Variants in IL1R2 observed in about 807,000 individuals in gnomAD.
IL1R2 encodes the protein interleukin 1 receptor type 2.
IL1R2 carries 46 observed loss-of-function variants against 39.5 expected under a neutral mutation model. The ratio of observed to expected loss-of-function variants is 1.16; its 90% CI spans 0.92 to 1.49. The LOEUF (loss-of-function observed/expected upper bound fraction) is 1.49, where lower values mean the gene tolerates loss of function less well. Ranked by LOEUF, IL1R2 falls within the 40% of genes most tolerant of loss-of-function variation. The pLI is 0.00. For synonymous variants in IL1R2, 207 were observed against 189.6 expected (o/e 1.09, Z -0.75); for missense variants, 537 against 502.0 (o/e 1.07, Z -0.67).
At position 102,009,865 on chromosome 2, in the gene IL1R2, C is replaced by A. The variant is rs769467215; in HGVS notation, c.332+39C>A. The A allele has an allele frequency of 3.0e-5, 48 of 1,603,076 alleles. No homozygotes were observed. The South Asian group carries it at 5.3e-4, about 18-fold the overall frequency. ...TGCGGGGCTGGGGAGGGGATCCTGG[C>A]AGGATGGAGGCTTGTGAGGGTCTTC... On this transcript the variant is annotated intron_variant, in intron 3 of 8. Coordinates refer to ENST00000332549, the MANE Select transcript of IL1R2 (RefSeq NM_004633.4).
chr2:102,000,954 C>A (rs191297502), intron 1 of IL1R2, among the ~76,000 whole-genome samples: 16 of 152,280 alleles, frequency 1.1e-4, no homozygotes, highest in Non-Finnish European at 1.3e-4. Flanking sequence ...GTTTGCCCTG[C>A]AGATGCCTAG....
chr2:102,010,597 A>G (rs1301518432), intron 3 of IL1R2, among the ~76,000 whole-genome samples: 3 of 148,700 alleles, frequency 2.0e-5, no homozygotes, highest in African/African-American at 7.4e-5. Flanking sequence ...AAAAAAAATT[A>G]GTCCAACTGC....
intron 6 of IL1R2, among the ~76,000 whole-genome samples, chr2:102,023,071 C>T (rs1677501051): frequency 6.6e-6 from 1 of 152,240 alleles, no homozygotes; most frequent in Non-Finnish European, 1.5e-5. Flanking sequence ...ATAAAACCTG[C>T]ATCCTTTTAT....
intron 1 of IL1R2, among the ~76,000 whole-genome samples, chr2:102,007,553 C>T (rs940462559): frequency 6.6e-6 from 1 of 152,160 alleles, no homozygotes; most frequent in African/African-American, 2.4e-5. Context: ...AAGTATCTGA[C>T]AGTCTTAATA....
Position 102,008,606 on chromosome 2 carries a change from G to A in IL1R2, c.31G>A (p.Val11Ile), listed in dbSNP as rs147243599. 1,522 of 1,614,054 alleles carry A rather than the reference G, an allele frequency of 9.4e-4. 2 individuals are homozygous for A. The highest frequency in any genetic ancestry group is 1.2e-3 in the Non-Finnish European group (1,418 of 1,180,030). MLRLYVLVMG[V>I]SAFTLQPAAH... is the part of the protein sequence containing the mutation. ...GCGCTTGTACGTGTTGGTAATGGGA[G>A]TTTCTGCCTTCACCCTTCAGCCTGC... Residue 11 changes from valine to isoleucine, a missense_variant, in exon 2 of 9, where the codon GTT becomes ATT. By Grantham distance (29) the Val-to-Ile change is conservative. Coordinates refer to ENST00000332549, the MANE Select transcript of IL1R2 (RefSeq NM_004633.4).
chr2:102,026,400 A>C (rs1257229415), intron 8 of IL1R2, 147 bp downstream of exon 8: 1 of 656,356 alleles, frequency 1.5e-6, no homozygotes, highest in African/African-American at 1.8e-5. Context: ...GAAACCTCCC[A>C]TTTTTAAAGA....
chr2:101,997,184 T>A (rs957552604), intron 1 of IL1R2, among the ~76,000 whole-genome samples: 4 of 152,198 alleles, frequency 2.6e-5, no homozygotes, highest in Non-Finnish European at 5.9e-5. Context: ...TGGAATCTAC[T>A]GCTGGCGTCT....
At chr2:102,011,786 T>G (rs1178780757) in intron 3 of IL1R2, among the ~76,000 whole-genome samples, 3 of 152,232 alleles carry the variant, frequency 2.0e-5, no homozygotes, top group Non-Finnish European at 4.4e-5. Context: ...TTTTTTTCTT[T>G]TGTTGCCTGT....
rs958988768 is a variant in IL1R2 at position 102,022,240 on chromosome 2, G to A, written c.742G>A (p.Ala248Thr). 1.2e-6 allele frequency: 2 copies of A among 1,613,562 alleles called. No individual in the cohort carries two copies. The highest frequency in any genetic ancestry group is 8.5e-7 in the Non-Finnish European group (1 of 1,179,476). Residue 248 changes from alanine to threonine, a missense_variant, in exon 6 of 9, where the codon GCT (alanine) becomes ACT (threonine). Coordinates refer to ENST00000332549, the MANE Select transcript of IL1R2 (RefSeq NM_004633.4). ...CATTTCCCCCCTCAAGACCATATCA[G>A]CTTCTCTGGGTAAGGCCCACAAGGA... ...VIISPLKTIS[A>T]SLGSRLTIPC... is the part of the protein sequence containing the mutation.
At chr2:102,003,937 C>T (rs936590028) in intron 1 of IL1R2, among the ~76,000 whole-genome samples, 1 of 151,768 alleles carries the variant, frequency 6.6e-6, no homozygotes, top group Non-Finnish European at 1.5e-5. Context: ...AGGTCTAGGT[C>T]TAGGTCTGTG....
intron 1 of IL1R2, among the ~76,000 whole-genome samples, chr2:101,995,597 G>A (rs1675550402): frequency 6.6e-6 from 1 of 152,332 alleles, no homozygotes; most frequent in South Asian, 2.1e-4. Context: ...CTGTGCTGGT[G>A]TGTTACACGG....
At chr2:102,025,864 T>G (rs976638220) in intron 7 of IL1R2, among the ~76,000 whole-genome samples, 1 of 152,200 alleles carries the variant, frequency 6.6e-6, no homozygotes, top group Non-Finnish European at 1.5e-5. Flanking sequence ...TATCTAACCC[T>G]GTAGTGTAAC....
chr2:102,019,608 T>C lies in IL1R2; in HGVS notation c.514-30T>C, dbSNP rs763138912. On this transcript the variant is annotated intron_variant, in intron 4 of 8. Coordinates refer to ENST00000332549, the MANE Select transcript of IL1R2 (RefSeq NM_004633.4). Reference sequence around the variant, plus strand: ...GCCTTTGAGATGTATATTGGTATAATGTCAACTTAAAAAAACATTTTCCCT... The same window carrying C: ...GCCTTTGAGATGTATATTGGTATAACGTCAACTTAAAAAAACATTTTCCCT... 18 of 1,498,528 alleles carry C rather than the reference T, an allele frequency of 1.2e-5. No individual in the cohort carries two copies. In the African/African-American group the frequency reaches 2.2e-4, roughly 18 times the overall value. 92.8% of individuals were successfully genotyped at this position (1,498,528 alleles called of 1,614,324 possible).
chr2:102,006,894 CT>C (rs1392532599), intron 1 of IL1R2, among the ~76,000 whole-genome samples: 1 of 152,214 alleles, frequency 6.6e-6, no homozygotes, highest in East Asian at 1.9e-4. Context: ...CTCGTGTGTG[CT>C]TTTGGCCGCA....
chr2:102,013,556 AAG>A (rs1186450468), intron 3 of IL1R2, among the ~76,000 whole-genome samples: 60 of 134,196 alleles, frequency 4.5e-4, no homozygotes, highest in Non-Finnish European at 6.1e-4. Flanking sequence ...AAAAAAAGGA[AAG>A]AAAGAAAAGA....
At chr2:102,019,955 T>A in intron 5 of IL1R2, 143 bp downstream of exon 5, 1 of 678,324 alleles carries the variant, frequency 1.5e-6, no homozygotes, top group South Asian at 1.9e-5. Flanking sequence ...TCCTGAAGCA[T>A]CAGGTTAATA....
intron 1 of IL1R2, chr2:101,998,854 C>T (rs1276871066): frequency 1.3e-5 from 2 of 152,214 alleles, no homozygotes; most frequent in Non-Finnish European, 2.9e-5. Context: ...TTTTTCTGAT[C>T]TAGCTCAAGA....
At chr2:102,019,884 C>T in intron 5 of IL1R2, 72 bp downstream of exon 5, 1 of 1,320,018 alleles carries the variant, frequency 7.6e-7, no homozygotes, top group Non-Finnish European at 1.1e-6. Context: ...AATGACGGTG[C>T]ACGTAGAATT....
chr2:102,006,636 C>A (rs751182431), intron 1 of IL1R2, among the ~76,000 whole-genome samples: 4 of 152,202 alleles, frequency 2.6e-5, no homozygotes, highest in African/African-American at 4.8e-5. Context: ...ATTCACAACT[C>A]CTGCCGTGGG....
Sources: gnomAD v4.1 joint callset for allele counts (sites outside exome capture counted in the v4.1 genomes callset) on GRCh38, gnomAD v4.1.1 for gene constraint, MANE v1.5 for transcripts, NCBI Gene and HGNC (gene_info 2026-07-23, HGNC 2026-07-21) for gene names.